The following NSF variants were observed in gnomAD, a reference collection of about 807,000 sequenced individuals.
The protein encoded by NSF is vesicle-fusing ATPase.
NSF carries 14 observed loss-of-function variants against 50.3 expected under a neutral mutation model. The observed-to-expected ratio is 0.28, with a 90% CI of 0.18 to 0.44. The LOEUF is 0.44. Ranked by LOEUF, NSF falls within the 20% of genes least tolerant of loss-of-function variation. The probability of loss-of-function intolerance (pLI) is 1.00; values close to 1 mark genes in which losing one functional copy is unlikely to be tolerated. For missense variants in NSF, 218 were observed against 504.3 expected (o/e 0.43, Z 5.44); for synonymous variants, 109 against 175.7 (o/e 0.62, Z 3.00).
intron 17 of NSF, among the ~76,000 whole-genome samples, chr17:46,734,408 G>A (rs1248563172): frequency 2.0e-5 from 3 of 151,976 alleles, no homozygotes; most frequent in Non-Finnish European, 4.4e-5. Flanking sequence ...AAAAAAAAAT[G>A]ATGCTTGACA....
intron 14 of NSF, among the ~76,000 whole-genome samples, chr17:46,712,766 A>G (rs1045589368): frequency 6.6e-6 from 1 of 152,192 alleles, no homozygotes; most frequent in Non-Finnish European, 1.5e-5. Flanking sequence ...ACACGTAAGG[A>G]CTAAACAGAG....
rs373537714 is a variant in NSF at position 46,751,533 on chromosome 17, A to G, written c.2074A>G (p.Thr692Ala). 15 of 1,613,990 alleles carry G rather than the reference A, an allele frequency of 9.3e-6. No homozygotes were observed. The highest frequency in any genetic ancestry group is 1.3e-5 in the African/African-American group (1 of 74,928). Residue 692 changes from threonine (T) to alanine (A), a missense_variant, in exon 19 of 21, where the codon ACC becomes GCC. Thr to Ala is a moderately conservative substitution (Grantham distance 58). Transcript: ENST00000398238. ...GGGCAACTTCAAGGATAAGGAACGC[A>G]CCACAATTGCACAGCAAGTCAAAGG... is the stretch of plus-strand genomic sequence containing the variant. ...LLGNFKDKERTTIAQQVKGKK... is the reference protein window; with the variant it reads ...LLGNFKDKERATIAQQVKGKK...
intron 13 of NSF, among the ~76,000 whole-genome samples, chr17:46,709,967 T>A (rs2058702808): frequency 6.6e-6 from 1 of 152,130 alleles, no homozygotes; most frequent in Admixed American, 6.5e-5. Flanking sequence ...GTCTGAAAAA[T>A]TATTTTGTGG....
chr17:46,703,811 C>G (rs1213347432), intron 12 of NSF, among the ~76,000 whole-genome samples: 1 of 146,488 alleles, frequency 6.8e-6, no homozygotes, highest in African/African-American at 2.5e-5. Flanking sequence ...CCATTCATCT[C>G]CAGACCTCTT....
intron 17 of NSF, 143 bp downstream of exon 17, chr17:46,729,077 G>A: frequency 1.8e-6 from 1 of 551,360 alleles, no homozygotes. Flanking sequence ...GTCCAGTCTT[G>A]ACTTCTGTTT....
chr17:46,708,822 ATTTT>A (rs386627394), intron 13 of NSF, among the ~76,000 whole-genome samples: 1 of 108,846 alleles, frequency 9.2e-6, no homozygotes, highest in South Asian at 3.0e-4. Context: ...ATATATATAT[ATTTT>A]TTTTTTTTTT....
intron 9 of NSF, among the ~76,000 whole-genome samples, chr17:46,679,980 T>C (rs1366395507): frequency 6.9e-6 from 1 of 144,090 alleles, no homozygotes; most frequent in Non-Finnish European, 1.5e-5. Context: ...AGGAGAAAAT[T>C]CTAAACATTT....
At chr17:46,754,534 ATGTTTTTAACGAT>A (rs1436846510) in intron 19 of NSF, among the ~76,000 whole-genome samples, 1 of 152,148 alleles carries the variant, frequency 6.6e-6, no homozygotes, top group Non-Finnish European at 1.5e-5. Flanking sequence ...GGAACTAAAG[ATGTTTTTAACGAT>A]TGTTTTCTAG....
At chr17:46,722,511 G>T (rs941593379) in intron 15 of NSF, among the ~76,000 whole-genome samples, 4 of 152,070 alleles carry the variant, frequency 2.6e-5, no homozygotes, top group African/African-American at 9.7e-5. Context: ...TAAAGTTGTG[G>T]TGCAGCTTCC....
intron 1 of NSF, among the ~76,000 whole-genome samples, chr17:46,602,706 T>C (rs1193544758): frequency 6.9e-6 from 1 of 144,450 alleles, no homozygotes; most frequent in Non-Finnish European, 1.5e-5. Flanking sequence ...TCACTAATTC[T>C]GAGTCTTCCA....
chr17:46,605,995 C>CAAAAAAAAAA (rs59118188), intron 1 of NSF, among the ~76,000 whole-genome samples: 9 of 51,052 alleles, frequency 1.8e-4, no homozygotes, highest in Non-Finnish European at 2.3e-4. Flanking sequence ...ACTAAAAATA[C>CAAAAAAAAAA]AAAAAAAAAA....
rs1208936942 is a variant in NSF at position 46,635,818 on chromosome 17, T to TGTGTGTGG, written c.239-1557_239-1556insTGTGTGGG. The stretch of plus-strand genomic sequence containing the variant: ...GTGTGTGTGTGTGTGTGTGTGTGTG[T>TGTGTGTGG]GCTCGTGTGTGAAGCCTTATTGAAG... On this transcript the variant is annotated intron_variant, in intron 4 of 20. Coordinates refer to ENST00000398238, the MANE Select transcript of NSF (RefSeq NM_006178.4). Among the ~76,000 whole-genome samples, 7 of 138,360 alleles carry TGTGTGTGG rather than the reference T, an allele frequency of 5.1e-5. 1 individual carries two copies. The highest frequency in any genetic ancestry group is 1.9e-4 in the African/African-American group (7 of 37,598). 90.8% of individuals were successfully genotyped at this position (138,360 alleles called of 152,430 possible).
intron 16 of NSF, 61 bp from the exon 17 acceptor site, chr17:46,728,791 ACTG>A: frequency 9.2e-6 from 11 of 1,193,984 alleles, no homozygotes; most frequent in African/African-American, 1.6e-5. Context: ...AAAAACAAAA[ACTG>A]AATGTTTGGA....
At chr17:46,742,578 G>A (rs2059085809) in intron 17 of NSF, among the ~76,000 whole-genome samples, 2 of 152,150 alleles carry the variant, frequency 1.3e-5, no homozygotes, top group African/African-American at 4.8e-5. Context: ...ATAAGGGTTG[G>A]GGAGTTGCAG....
chr17:46,612,269 T>G (rs896484891), intron 1 of NSF, among the ~76,000 whole-genome samples: 18 of 81,888 alleles, frequency 2.2e-4, no homozygotes, highest in Non-Finnish European at 3.4e-4. Flanking sequence ...GTAGAGAAAT[T>G]GGAGCCCTCA....
chr17:46,657,241 G>T (rs1188003371), intron 8 of NSF, among the ~76,000 whole-genome samples: 2 of 78,170 alleles, frequency 2.6e-5, no homozygotes, highest in Non-Finnish European at 3.3e-5. Flanking sequence ...GGATTCACAA[G>T]TGTAAATGTT....
intron 13 of NSF, among the ~76,000 whole-genome samples, chr17:46,708,804 TTA>T (rs752353812): frequency 4.2e-4 from 27 of 64,376 alleles, no homozygotes; most frequent in African/African-American, 1.1e-3. Context: ...ACCATTTATT[TTA>T]TATATATATA....
intron 19 of NSF, among the ~76,000 whole-genome samples, chr17:46,754,620 T>C (rs2059215512): frequency 1.3e-5 from 2 of 152,180 alleles, no homozygotes; most frequent in African/African-American, 2.4e-5. Flanking sequence ...AGTATAAATA[T>C]GAATAGAAAA....
At chr17:46,661,378 T>TATATTA (rs2058299015) in intron 8 of NSF, among the ~76,000 whole-genome samples, 1 of 106,564 alleles carries the variant, frequency 9.4e-6, no homozygotes, top group African/African-American at 4.4e-5. Flanking sequence ...TACATTTCTT[T>TATATTA]TTATTATTAT....
Sources: allele counts gnomAD v4.1 joint callset (sites outside exome capture counted in the v4.1 genomes callset), GRCh38; gene constraint gnomAD v4.1.1; transcripts MANE v1.5; gene names NCBI Gene and HGNC (gene_info 2026-07-23, HGNC 2026-07-21).